Variants in STPG2 observed in about 807,000 individuals in gnomAD.
STPG2 encodes sperm-tail PG-rich repeat-containing protein 2.
STPG2 carries 56 observed loss-of-function variants against 54.2 expected under a neutral mutation model. The ratio of observed to expected loss-of-function variants is 1.03; its 90% CI spans 0.83 to 1.29. STPG2 has a LOEUF of 1.29. STPG2 is among the 50% of genes most tolerant of loss of function. STPG2 has a pLI of 0.00. For synonymous variants in STPG2, 200 were observed against 181.8 expected (o/e 1.10, Z -0.81); for missense variants, 596 against 544.9 (o/e 1.09, Z -0.93).
At chr4:97,609,741 C>G (rs560590220) in intron 10 of STPG2, among the ~76,000 whole-genome samples, 1 of 151,970 alleles carries the variant, frequency 6.6e-6, no homozygotes, top group East Asian at 1.9e-4. Context: ...TTCAAGGGAT[C>G]TCTAAAAATT....
chr4:97,546,351 A>G (rs564186429), intron 4 of STPG2, among the ~76,000 whole-genome samples: 4 of 152,186 alleles, frequency 2.6e-5, no homozygotes, highest in Middle Eastern at 3.4e-3. Context: ...GACAGATATT[A>G]CAGATAAAGA....
chr4:98,088,100 TGC>T (rs1738577729), intron 5 of STPG2, among the ~76,000 whole-genome samples: 1 of 152,164 alleles, frequency 6.6e-6, no homozygotes, highest in Admixed American at 6.5e-5. Flanking sequence ...GACTGGCTTA[TGC>T]AGAGGGAGAG....
At chr4:98,141,587 G>C (rs958350006) in intron 1 of STPG2, among the ~76,000 whole-genome samples, 1 of 152,128 alleles carries the variant, frequency 6.6e-6, no homozygotes. Context: ...ACTTTGAGTT[G>C]TCCCGCCTTT....
At chr4:97,730,522 A>G (rs1312112940) in intron 9 of STPG2, among the ~76,000 whole-genome samples, 1 of 152,122 alleles carries the variant, frequency 6.6e-6, no homozygotes, top group Non-Finnish European at 1.5e-5. Context: ...AATACCCAGT[A>G]ATGGGATTGC....
chr4:97,978,514 G>A (rs1187087566), intron 6 of STPG2, among the ~76,000 whole-genome samples: 2 of 152,128 alleles, frequency 1.3e-5, no homozygotes, highest in African/African-American at 2.4e-5. Flanking sequence ...TACCAGTGGT[G>A]GAGGGTGGGA....
At chr4:97,621,698 A>G (rs563432779) in intron 10 of STPG2, among the ~76,000 whole-genome samples, 1 of 152,164 alleles carries the variant, frequency 6.6e-6, no homozygotes, top group African/African-American at 2.4e-5. Context: ...CTACTAATGT[A>G]TAAAGAAGAG....
intron 5 of STPG2, among the ~76,000 whole-genome samples, chr4:98,088,144 G>A (rs1738578826): frequency 6.6e-6 from 1 of 152,146 alleles, no homozygotes; most frequent in Admixed American, 6.5e-5. Flanking sequence ...GCTAAGTTCA[G>A]GAAACTGAAG....
At chr4:97,723,064 G>T (rs1031534449) in intron 9 of STPG2, among the ~76,000 whole-genome samples, 1 of 149,676 alleles carries the variant, frequency 6.7e-6, no homozygotes, top group Admixed American at 6.7e-5. Flanking sequence ...CGCCAGCCTC[G>T]GCCTCCTAAA....
chr4:97,651,321 G>A (rs1403415485), intron 10 of STPG2, among the ~76,000 whole-genome samples: 2 of 151,944 alleles, frequency 1.3e-5, no homozygotes, highest in South Asian at 4.1e-4. Flanking sequence ...ACTTACAGTT[G>A]AAAAAGATTA....
rs531907298 is a variant in STPG2 at position 98,100,741 on chromosome 4, T to C, written c.612+5212A>G. Among the ~76,000 whole-genome samples, 3 of 144,990 alleles carry C rather than the reference T, an allele frequency of 2.1e-5. No individual in the cohort carries two copies. The East Asian group carries it at 6.8e-4, about 33-fold the overall frequency. Reference sequence around the variant, plus strand: ...CCCAGGCTGGAGTGCAGTGGTGCAATCTCGGCTCACTGCAACCTCTGCCTC... The same window carrying C: ...CCCAGGCTGGAGTGCAGTGGTGCAACCTCGGCTCACTGCAACCTCTGCCTC... On this transcript the variant is annotated intron_variant, in intron 5 of 10. Transcript: ENST00000295268.
At chr4:97,841,644 ACT>A (rs1271151998) in intron 8 of STPG2, among the ~76,000 whole-genome samples, 1 of 151,686 alleles carries the variant, frequency 6.6e-6, no homozygotes, top group East Asian at 1.9e-4. Flanking sequence ...AAAGACAAAA[ACT>A]TTTTAAGCGT....
chr4:98,018,674 C>T (rs1388853958), intron 5 of STPG2, among the ~76,000 whole-genome samples: 2 of 151,456 alleles, frequency 1.3e-5, no homozygotes, highest in Middle Eastern at 3.5e-3. Context: ...TCCTCTCCAG[C>T]ACCTATTGTT....
intron 9 of STPG2, among the ~76,000 whole-genome samples, chr4:97,713,524 T>A (rs945569913): frequency 6.6e-6 from 1 of 152,232 alleles, no homozygotes; most frequent in Admixed American, 6.5e-5. Context: ...GATTAAATAG[T>A]CATGAAAAGT....
At chr4:97,510,228 G>T (rs1730943808) in intron 4 of STPG2, among the ~76,000 whole-genome samples, 2 of 152,072 alleles carry the variant, frequency 1.3e-5, no homozygotes, top group Admixed American at 6.6e-5. Context: ...CATTACCAGG[G>T]TAAGTTGATA....
chr4:97,700,900 CA>C (rs1418335626), intron 10 of STPG2, among the ~76,000 whole-genome samples: 1 of 152,204 alleles, frequency 6.6e-6, no homozygotes, highest in Non-Finnish European at 1.5e-5. Flanking sequence ...AATGAAACCA[CA>C]TTTGGTACAG....
At chr4:97,718,154 T>C (rs1724346733) in intron 9 of STPG2, among the ~76,000 whole-genome samples, 1 of 152,082 alleles carries the variant, frequency 6.6e-6, no homozygotes, top group African/African-American at 2.4e-5. Context: ...GAATATTACA[T>C]GTACAAATCA....
At chr4:97,469,536 G>A (rs1279871415) in intron 4 of STPG2, among the ~76,000 whole-genome samples, 1 of 152,006 alleles carries the variant, frequency 6.6e-6, no homozygotes, top group Non-Finnish European at 1.5e-5. Context: ...AATCAGAGAG[G>A]AAGATACTAG....
chr4:97,885,367 A>G lies in STPG2; in HGVS notation c.1045-44435T>C, dbSNP rs550049434. 2.8e-4 allele frequency among the ~76,000 whole-genome samples: 42 copies of G among 152,296 alleles called. 1 individual carries two copies. In the South Asian group the frequency reaches 6.2e-3, roughly 23 times the overall value. ...CTGGGCATCATGACATCCCCAGAAT[A>G]ACAAATTCTATTTTACTTCCACTTT... On this transcript the variant is annotated intron_variant, in intron 8 of 10. Transcript: ENST00000295268.
intron 7 of STPG2, among the ~76,000 whole-genome samples, chr4:97,968,635 T>C (rs1026562516): frequency 1.3e-5 from 2 of 151,910 alleles, no homozygotes; most frequent in African/African-American, 2.4e-5. Flanking sequence ...GTTCAACATA[T>C]GCAAATCAGT....
Sources: allele counts gnomAD v4.1 joint callset (sites outside exome capture counted in the v4.1 genomes callset), GRCh38; gene constraint gnomAD v4.1.1; transcripts MANE v1.5; gene names NCBI Gene and HGNC (gene_info 2026-07-23, HGNC 2026-07-21).